The following MAPRE1 variants were observed in gnomAD, a reference collection of about 807,000 sequenced individuals.
MAPRE1 encodes microtubule-associated protein RP/EB family member 1.
A neutral mutation model predicts 32.1 loss-of-function variants in MAPRE1; 5 were observed. The observed-to-expected ratio is 0.16, with a 90% CI of 0.08 to 0.33. The LOEUF is 0.33. Ranked by LOEUF, MAPRE1 falls within the 10% of genes least tolerant of loss-of-function variation. The pLI, the probability that MAPRE1 is intolerant of heterozygous loss-of-function variation, is 1.00. For missense variants in MAPRE1, 209 were observed against 327.2 expected (o/e 0.64, Z 2.79); for synonymous variants, 122 against 118.9 (o/e 1.03, Z -0.17).
chr20:32,832,980 C>T (rs943190913), intron 2 of MAPRE1, among the ~76,000 whole-genome samples: 3 of 151,196 alleles, frequency 2.0e-5, no homozygotes, highest in East Asian at 3.9e-4. Flanking sequence ...TAGAGGAACA[C>T]AAAAATGTCT....
intron 5 of MAPRE1, among the ~76,000 whole-genome samples, chr20:32,844,630 T>C (rs1292615627): frequency 6.6e-6 from 1 of 151,914 alleles, no homozygotes; most frequent in Non-Finnish European, 1.5e-5. Context: ...GCCAGGATGG[T>C]CTTGATCTCT....
intron 3 of MAPRE1, among the ~76,000 whole-genome samples, chr20:32,835,486 T>C (rs58178200): frequency 0.018 from 2,696 of 151,212 alleles, 29 homozygotes; most frequent in South Asian, 0.045. Context: ...CCAGCAAGCA[T>C]GTTTTAATAG....
chr20:32,822,261 A>G (rs1406109902), intron 1 of MAPRE1, among the ~76,000 whole-genome samples: 1 of 152,212 alleles, frequency 6.6e-6, no homozygotes, highest in Non-Finnish European at 1.5e-5. Flanking sequence ...GAATGTCGCC[A>G]TAATAGATTA....
chr20:32,836,256 A>T (rs1182954233), intron 3 of MAPRE1, among the ~76,000 whole-genome samples: 1 of 152,186 alleles, frequency 6.6e-6, no homozygotes, highest in South Asian at 2.1e-4. Flanking sequence ...TGTGCAGTGG[A>T]TTTCATGCTT....
intron 5 of MAPRE1, among the ~76,000 whole-genome samples, chr20:32,841,360 G>C (rs1489934281): frequency 6.6e-6 from 1 of 152,150 alleles, no homozygotes; most frequent in Non-Finnish European, 1.5e-5. Context: ...AGAGTAAAGA[G>C]TGGTTAATGT....
chr20:32,843,544 A>T (rs1000915585), intron 5 of MAPRE1: 5 of 152,258 alleles, frequency 3.3e-5, no homozygotes, highest in African/African-American at 1.2e-4. Flanking sequence ...GGTAAAATTA[A>T]TTTTAGCAAC....
intron 4 of MAPRE1, 145 bp from the exon 5 acceptor site, chr20:32,839,590 C>A: frequency 9.2e-7 from 1 of 1,090,080 alleles, no homozygotes; most frequent in Non-Finnish European, 1.3e-6. Flanking sequence ...CGTTGTCTTG[C>A]ATGCGGGGGC....
intron 4 of MAPRE1, among the ~76,000 whole-genome samples, chr20:32,839,283 A>C (rs59413480): frequency 5.3e-5 from 8 of 152,166 alleles, no homozygotes; most frequent in Non-Finnish European, 1.2e-4. Context: ...GCTCATGTCT[A>C]GCGTGAAGTT....
At chr20:32,830,389 T>G (rs777379347) in intron 2 of MAPRE1, among the ~76,000 whole-genome samples, 1 of 152,242 alleles carries the variant, frequency 6.6e-6, no homozygotes, top group Non-Finnish European at 1.5e-5. Flanking sequence ...GGGATACTTT[T>G]GCCCTACCTG....
chr20:32,833,697 T>C lies in MAPRE1; in HGVS notation c.122-20T>C. 1 of 1,600,432 alleles carries C rather than the reference T, an allele frequency of 6.2e-7. No homozygotes were observed. On this transcript the variant is annotated intron_variant, in intron 2 of 6. Coordinates refer to ENST00000375571, the MANE Select transcript of MAPRE1 (RefSeq NM_012325.3). ...CCCTGCTTCTTTAATTGTATTTTTC[T>C]GTTGCCGTTGTTCTTTCAGGGGCTG... is the stretch of plus-strand genomic sequence containing the variant.
At chr20:32,837,332 T>A (rs568896117) in intron 4 of MAPRE1, among the ~76,000 whole-genome samples, 1 of 152,184 alleles carries the variant, frequency 6.6e-6, no homozygotes, top group African/African-American at 2.4e-5. Flanking sequence ...GCTTCCTGTG[T>A]ATACTCACAG....
intron 4 of MAPRE1, 69 bp downstream of exon 4, chr20:32,836,910 AT>A: frequency 7.2e-7 from 1 of 1,398,184 alleles, no homozygotes; most frequent in Admixed American, 2.4e-5. Flanking sequence ...TTCAACTAGA[AT>A]TTTTTTCAGT....
chr20:32,825,324 G>A (rs1283764835), intron 1 of MAPRE1, among the ~76,000 whole-genome samples: 3 of 152,060 alleles, frequency 2.0e-5, no homozygotes, highest in Non-Finnish European at 4.4e-5. Context: ...TTTATTTAGT[G>A]CCTCTTATAG....
intron 3 of MAPRE1, among the ~76,000 whole-genome samples, chr20:32,835,232 G>C (rs1470225814): frequency 3.9e-5 from 6 of 152,006 alleles, no homozygotes; most frequent in Non-Finnish European, 5.9e-5. Context: ...CTCTAAAAAA[G>C]ATTAAAAAGT....
At chr20:32,833,320 TG>T in intron 2 of MAPRE1, among the ~76,000 whole-genome samples, 1 of 152,196 alleles carries the variant, frequency 6.6e-6, no homozygotes, top group East Asian at 1.9e-4. Context: ...TCTTGGAAAT[TG>T]CCTCCTGAAG....
intron 1 of MAPRE1, among the ~76,000 whole-genome samples, chr20:32,822,988 G>A (rs1383589882): frequency 6.6e-6 from 1 of 152,198 alleles, no homozygotes; most frequent in African/African-American, 2.4e-5. Flanking sequence ...GAGTGTAACA[G>A]TGTTGATGAT....
chr20:32,847,589 CTTTAA>C (rs921427178), intron 6 of MAPRE1, among the ~76,000 whole-genome samples: 1 of 152,094 alleles, frequency 6.6e-6, no homozygotes, highest in Non-Finnish European at 1.5e-5. Context: ...TTGAATAAAT[CTTTAA>C]TTTAGAGCTT....
intron 1 of MAPRE1, among the ~76,000 whole-genome samples, chr20:32,821,190 A>AT (rs1054236535): frequency 6.6e-6 from 1 of 151,844 alleles, no homozygotes; most frequent in Non-Finnish European, 1.5e-5. Context: ...TAATTGTTGT[A>AT]TTTTTTAGTA....
At chr20:32,829,568 G>T (rs998829410) in intron 2 of MAPRE1, among the ~76,000 whole-genome samples, 23 of 152,198 alleles carry the variant, frequency 1.5e-4, no homozygotes, top group African/African-American at 5.3e-4. Flanking sequence ...AGCTTTTGAT[G>T]CTGGTGCCAG....
Sources: gnomAD v4.1 joint callset for allele counts (sites outside exome capture counted in the v4.1 genomes callset) on GRCh38, gnomAD v4.1.1 for gene constraint, MANE v1.5 for transcripts, NCBI Gene and HGNC (gene_info 2026-07-23, HGNC 2026-07-21) for gene names.